AKAP13: variants seen among roughly 807,000 people sequenced by gnomAD.
AKAP13 encodes A-kinase anchor protein 13.
Under a neutral mutation model 264.5 loss-of-function variants are expected in AKAP13, and 80 were observed. That is an observed-to-expected ratio of 0.30 (90% confidence interval 0.25 to 0.36). AKAP13 has a LOEUF of 0.36. AKAP13 is among the 10% of genes least tolerant of loss of function. The pLI, the probability that AKAP13 is intolerant of heterozygous loss-of-function variation, is 1.00. For missense variants in AKAP13, 3,712 were observed against 3,435.2 expected (o/e 1.08, Z -2.01); for synonymous variants, 1,380 against 1,250.2 (o/e 1.10, Z -2.19).
rs566313317 is a variant in AKAP13 at position 85,457,365 on chromosome 15, C to T, written c.-11-28345C>T. On this transcript the variant is annotated intron_variant, in intron 1 of 36. Coordinates refer to ENST00000394518, the MANE Select transcript of AKAP13 (RefSeq NM_007200.5). ...TTCTCTTTTAAGGAAAACACCATCT[C>T]GGCTTTTAAACACTTTTCTTTTTTA... is the stretch of plus-strand genomic sequence containing the variant. Among the ~76,000 whole-genome samples the T allele has an allele frequency of 1.5e-4, 23 of 152,260 alleles. No homozygotes were observed. In the South Asian group the frequency reaches 3.5e-3, roughly 23 times the overall value.
intron 1 of AKAP13, among the ~76,000 whole-genome samples, chr15:85,469,059 C>T (rs2074860286): frequency 7.3e-6 from 1 of 137,560 alleles, no homozygotes. Flanking sequence ...GGACTACAGG[C>T]GTGCACCACC....
At chr15:85,687,900 C>T (rs1045968074) in intron 16 of AKAP13, among the ~76,000 whole-genome samples, 3 of 151,736 alleles carry the variant, frequency 2.0e-5, no homozygotes, top group African/African-American at 7.3e-5. Context: ...ATTAGCTGGG[C>T]GTAGTGGCAC....
At chr15:85,569,031 A>G (rs151094498) in intron 5 of AKAP13, among the ~76,000 whole-genome samples, 2 of 152,214 alleles carry the variant, frequency 1.3e-5, no homozygotes, top group African/African-American at 4.8e-5. Flanking sequence ...CACGAAGTCA[A>G]CATGTTCAGA....
chr15:85,511,051 G>GA (rs57305048), intron 2 of AKAP13, among the ~76,000 whole-genome samples: 2 of 150,442 alleles, frequency 1.3e-5, no homozygotes, highest in Admixed American at 6.6e-5. Context: ...TAAGGCTAGA[G>GA]AAAAAAAAAA....
At chr15:85,486,284 CT>C (rs540373027) in intron 2 of AKAP13, among the ~76,000 whole-genome samples, 1,750 of 146,290 alleles carry the variant, frequency 0.012, 37 homozygotes, top group African/African-American at 0.04. Context: ...TTTGTTGTTG[CT>C]TTTTTTTTTG....
chr15:85,512,704 G>A (rs890782295), intron 2 of AKAP13, among the ~76,000 whole-genome samples: 1 of 152,160 alleles, frequency 6.6e-6, no homozygotes, highest in Admixed American at 6.5e-5. Context: ...TATTTGCAAA[G>A]CACCTCAGTC....
In AKAP13 at chr15:85,581,662, C is replaced by T. The variant is rs2079143874; in HGVS notation, c.3594C>T (p.Asp1198=). Residue 1198 remains aspartate (D), a synonymous_variant, in exon 7 of 37, where the codon GAC becomes GAT. Transcript: ENST00000394518. ...CTGTTGCCAAGGAGCTCCCCACAGA[C>T]ATGGAGCTCTCAGCCCATGATGATG... ...LQPVAKELPT[D]MELSAHDDGA... 1 of 1,614,172 alleles carries T rather than the reference C, an allele frequency of 6.2e-7. No individual in the cohort carries two copies. Among genetic ancestry groups the T allele is most frequent in the Non-Finnish European group, 8.5e-7 (1 of 1,180,038 alleles).
chr15:85,523,045 G>C (rs1302145750), intron 3 of AKAP13, among the ~76,000 whole-genome samples: 3 of 151,836 alleles, frequency 2.0e-5, no homozygotes, highest in East Asian at 3.9e-4. Flanking sequence ...AAGGATTAGA[G>C]TCCTTGAAAG....
At chr15:85,493,357 G>C (rs2075786908) in intron 2 of AKAP13, among the ~76,000 whole-genome samples, 1 of 152,120 alleles carries the variant, frequency 6.6e-6, no homozygotes, top group Admixed American at 6.5e-5. Context: ...TTGCTCATTT[G>C]TTTCCCAGGT....
At chr15:85,504,985 C>T (rs572854612) in intron 2 of AKAP13, among the ~76,000 whole-genome samples, 7 of 151,840 alleles carry the variant, frequency 4.6e-5, no homozygotes, top group East Asian at 3.9e-4. Context: ...TGTGTGTGTG[C>T]GCACATGTGT....
rs200619024 is a variant in AKAP13 at position 85,578,884 on chromosome 15, T to A, written c.862-46T>A. ...TTTGCTCAGAGGTGTCAGTGACATC[T>A]TCTCCTACAGGCAGTTTTTTAAAAG... On this transcript the variant is annotated intron_variant, in intron 6 of 36. Transcript: ENST00000394518. 2.0e-3 allele frequency: 3,122 copies of A among 1,570,538 alleles called. 8 individuals carry two copies. The highest frequency in any genetic ancestry group is 3.5e-3 in the South Asian group (296 of 85,636).
intron 5 of AKAP13, 128 bp from the exon 6 acceptor site, chr15:85,575,003 A>T: frequency 1.3e-6 from 1 of 750,192 alleles, no homozygotes; most frequent in Non-Finnish European, 2.2e-6. Context: ...TGGGAGGTAT[A>T]TATACTAATT....
intron 7 of AKAP13, among the ~76,000 whole-genome samples, chr15:85,584,007 C>T (rs369925484): frequency 1.9e-4 from 29 of 152,126 alleles, no homozygotes; most frequent in Non-Finnish European, 3.1e-4. Flanking sequence ...AGTAGCCAGT[C>T]ATGAAGAAAT....
intron 13 of AKAP13, among the ~76,000 whole-genome samples, chr15:85,665,931 G>T (rs184789691): frequency 3.9e-4 from 59 of 152,270 alleles, no homozygotes; most frequent in Non-Finnish European, 7.5e-4. Flanking sequence ...GTCTATCATG[G>T]ACATTTGGGT....
intron 16 of AKAP13, among the ~76,000 whole-genome samples, chr15:85,686,026 G>A (rs533270562): frequency 6.6e-6 from 1 of 152,130 alleles, no homozygotes; most frequent in Non-Finnish European, 1.5e-5. Flanking sequence ...TTTCAAGTCC[G>A]TGGGGAAAAA....
chr15:85,727,374 G>C lies in AKAP13; in HGVS notation c.7005-7G>C. On this transcript the variant is annotated splice_polypyrimidine_tract_variant and splice_region_variant and intron_variant, in intron 28 of 36. Transcript: ENST00000394518. This position sits in a 1 kb window ranked among gnomAD's most constrained non-coding sequence, Gnocchi z 5.3. ...TTTTTTGTTCTGTCTTGTTTGGGTT[G>C]TATTAGGAACAGAGATGAAGATGAA... 6.2e-7 allele frequency: 1 copy of C among 1,614,164 alleles called. No individual in the cohort carries two copies. Among genetic ancestry groups the C allele is most frequent in the Non-Finnish European group, 8.5e-7 (1 of 1,180,020 alleles).
rs2083060303 is a variant in AKAP13, at chr15:85,655,684, T to G, written c.4642T>G (p.Cys1548Gly). The change falls in exon 11 of 37, where the codon TGC becomes GGC. Residue 1548 changes from cysteine (C) to glycine (G), a missense_variant. Cys to Gly is a radical substitution (Grantham distance 159). Around this residue, in one of 3 missense-constraint regions of AKAP13, gnomAD observed 2,759 missense variants for 2,411.7 expected, o/e 1.14. Transcript: ENST00000394518. Reference sequence around the variant, plus strand: ...CAGTATCACTGAAGTGCCTGCAAACTGCTCTGTCCTAAGGAGCTCCATGCG... The same window carrying G: ...CAGTATCACTGAAGTGCCTGCAAACGGCTCTGTCCTAAGGAGCTCCATGCG... The part of the protein sequence containing the change: ...MDSITEVPAN[C>G]SVLRSSMRSL... 6.2e-7 allele frequency: 1 copy of G among 1,614,110 alleles called. No homozygotes were observed. The highest frequency in any genetic ancestry group is 1.7e-5 in the Admixed American group (1 of 60,006).
intron 1 of AKAP13, among the ~76,000 whole-genome samples, chr15:85,383,600 A>G (rs574194741): frequency 2.5e-4 from 38 of 152,326 alleles, no homozygotes; most frequent in East Asian, 1.5e-3. Flanking sequence ...ATCGAAGTCT[A>G]TTTCTTCAAA....
intron 1 of AKAP13, among the ~76,000 whole-genome samples, chr15:85,388,475 TATG>T (rs2070697509): frequency 6.6e-6 from 1 of 152,238 alleles, no homozygotes. Context: ...TGACCATTAA[TATG>T]ATGGTAGCCA....
Sources: gnomAD v4.1 joint callset for allele counts (sites outside exome capture counted in the v4.1 genomes callset) on GRCh38, gnomAD v4.1.1 for gene constraint, gnomAD v4.1.1 regional missense constraint, Gnocchi (gnomAD v3.1) non-coding constraint, MANE v1.5 for transcripts, NCBI Gene and HGNC (gene_info 2026-07-23, HGNC 2026-07-21) for gene names.